DOK6: variants seen among roughly 807,000 people sequenced by gnomAD.
DOK6 encodes downstream of tyrosine kinase 6.
In DOK6, 22 loss-of-function variants were observed where a neutral mutation model predicts 44.0. The ratio of observed to expected loss-of-function variants is 0.50; its 90% confidence interval spans 0.36 to 0.71. The LOEUF (loss-of-function observed/expected upper bound fraction) is 0.71. Ranked by LOEUF, DOK6 falls within the 30% of genes least tolerant of loss-of-function variation. The pLI is 0.00. For synonymous variants in DOK6, 166 were observed against 145.5 expected (o/e 1.14, Z -1.01); for missense variants, 340 against 416.4 (o/e 0.82, Z 1.60).
At chr18:69,441,672 C>G (rs1444780742) in intron 1 of DOK6, among the ~76,000 whole-genome samples, 1 of 152,092 alleles carries the variant, frequency 6.6e-6, no homozygotes, top group East Asian at 1.9e-4. Flanking sequence ...TAGCAATAAA[C>G]GTAGCTGAAA....
intron 7 of DOK6, 63 bp from the exon 8 acceptor site, chr18:69,841,181 A>G (rs1331004723): frequency 2.5e-6 from 4 of 1,593,172 alleles, no homozygotes; most frequent in Admixed American, 3.4e-5. Context: ...TAGATGATAG[A>G]TAGTGTATCT....
chr18:69,524,870 T>G (rs2144567616), intron 1 of DOK6, among the ~76,000 whole-genome samples: 1 of 152,048 alleles, frequency 6.6e-6, no homozygotes, highest in East Asian at 1.9e-4. Flanking sequence ...CAGTCATGTA[T>G]TCCTTCCAAT....
chr18:69,779,820 C>CTAT (rs1980203634), intron 7 of DOK6, among the ~76,000 whole-genome samples: 1 of 151,674 alleles, frequency 6.6e-6, no homozygotes, highest in Admixed American at 6.6e-5. Flanking sequence ...ACAGAAGATA[C>CTAT]TATTGATCAT....
intron 3 of DOK6, among the ~76,000 whole-genome samples, chr18:69,629,749 A>T (rs1984646203): frequency 1.3e-5 from 2 of 151,032 alleles, no homozygotes; most frequent in African/African-American, 4.9e-5. Context: ...CCCAACACAA[A>T]CCCTCCTTCA....
At chr18:69,774,681 T>G (rs1049016544) in intron 7 of DOK6, among the ~76,000 whole-genome samples, 1 of 151,638 alleles carries the variant, frequency 6.6e-6, no homozygotes, top group Non-Finnish European at 1.5e-5. Context: ...AACAGAGAGA[T>G]GTTAAGGAGA....
At chr18:69,507,535 C>T (rs1981230197) in intron 1 of DOK6, among the ~76,000 whole-genome samples, 1 of 151,872 alleles carries the variant, frequency 6.6e-6, no homozygotes, top group South Asian at 2.1e-4. Context: ...ACTATATATA[C>T]CTTAATTTAT....
At chr18:69,835,041 G>A (rs1044796699) in intron 7 of DOK6, among the ~76,000 whole-genome samples, 1 of 152,092 alleles carries the variant, frequency 6.6e-6, no homozygotes, top group Non-Finnish European at 1.5e-5. Flanking sequence ...ACCCACTATC[G>A]CAAGAACAGC....
intron 2 of DOK6, among the ~76,000 whole-genome samples, chr18:69,580,940 T>C (rs1403819952): frequency 6.6e-6 from 1 of 152,198 alleles, no homozygotes; most frequent in African/African-American, 2.4e-5. Flanking sequence ...AATCTTTCTG[T>C]ACCTATCTTA....
intron 1 of DOK6, among the ~76,000 whole-genome samples, chr18:69,496,122 TG>T (rs1980880550): frequency 6.6e-6 from 1 of 152,182 alleles, no homozygotes; most frequent in East Asian, 1.9e-4. Flanking sequence ...CGCCGTGACT[TG>T]GGCATCTGCA....
At chr18:69,699,434 A>T (rs550573888) in intron 5 of DOK6, among the ~76,000 whole-genome samples, 16 of 152,352 alleles carry the variant, frequency 1.1e-4, no homozygotes, top group African/African-American at 3.6e-4. Context: ...CTATCTAGCC[A>T]GCTAGGGTAG....
chr18:69,713,280 T>A (rs181591951), intron 5 of DOK6, among the ~76,000 whole-genome samples: 1 of 152,336 alleles, frequency 6.6e-6, no homozygotes, highest in Admixed American at 6.5e-5. Flanking sequence ...TTTTGCTGAA[T>A]TGGGGAAGAA....
chr18:69,500,768 A>G (rs181956079), intron 1 of DOK6, among the ~76,000 whole-genome samples: 3 of 152,286 alleles, frequency 2.0e-5, no homozygotes, highest in African/African-American at 7.2e-5. Flanking sequence ...CCTGAAATGT[A>G]AATTAATTTC....
At chr18:69,674,606 C>T (rs1985879257) in intron 3 of DOK6, among the ~76,000 whole-genome samples, 1 of 152,150 alleles carries the variant, frequency 6.6e-6, no homozygotes, top group Non-Finnish European at 1.5e-5. Flanking sequence ...CACACACCCA[C>T]ACATTACACA....
At chr18:69,571,112 C>T (rs146427450) in intron 2 of DOK6, among the ~76,000 whole-genome samples, 1,609 of 151,884 alleles carry the variant, frequency 0.011, 10 homozygotes, top group African/African-American at 0.015. Flanking sequence ...GTGAGTAAAA[C>T]GGACTCATAC....
At chr18:69,521,395 T>A (rs895989687) in intron 1 of DOK6, among the ~76,000 whole-genome samples, 1 of 151,712 alleles carries the variant, frequency 6.6e-6, no homozygotes, top group Non-Finnish European at 1.5e-5. Context: ...TTAACCAAAG[T>A]GTTTTTTTAG....
chr18:69,500,325 C>T (rs1418983159), intron 1 of DOK6, among the ~76,000 whole-genome samples: 1 of 152,126 alleles, frequency 6.6e-6, no homozygotes, highest in Non-Finnish European at 1.5e-5. Context: ...TCAACCTTCC[C>T]ATTCTTCTGC....
At chr18:69,620,190 C>G (rs938312405) in intron 3 of DOK6, among the ~76,000 whole-genome samples, 3 of 152,070 alleles carry the variant, frequency 2.0e-5, no homozygotes, top group African/African-American at 7.2e-5. Flanking sequence ...TTACTATACT[C>G]ACATAGTAAT....
At chr18:69,752,111 T>A (rs1021752665) in intron 6 of DOK6, among the ~76,000 whole-genome samples, 2 of 151,988 alleles carry the variant, frequency 1.3e-5, no homozygotes, top group Non-Finnish European at 1.5e-5. Context: ...GCACAAAATA[T>A]AAGAACTGAA....
intron 1 of DOK6, among the ~76,000 whole-genome samples, chr18:69,438,965 G>T (rs538604856): frequency 6.6e-6 from 1 of 152,008 alleles, no homozygotes; most frequent in Non-Finnish European, 1.5e-5. Context: ...CCAGCTACTC[G>T]GGAGGCTGAG....
Sources: allele counts gnomAD v4.1 joint callset (sites outside exome capture counted in the v4.1 genomes callset), GRCh38; gene constraint gnomAD v4.1.1; transcripts MANE v1.5; gene names NCBI Gene and HGNC (gene_info 2026-07-23, HGNC 2026-07-21).